Variants in CCDC88A observed in about 807,000 individuals in gnomAD.
CCDC88A encodes the protein girdin.
A neutral mutation model predicts 234.3 loss-of-function variants in CCDC88A; 54 were observed. The observed-to-expected ratio is 0.23, with a 90% CI of 0.19 to 0.29. The LOEUF (loss-of-function observed/expected upper bound fraction) is 0.29. CCDC88A is among the 10% of genes least tolerant of loss of function. CCDC88A has a pLI of 1.00. For missense variants in CCDC88A, 1,832 were observed against 2,123.4 expected (o/e 0.86, Z 2.70); for synonymous variants, 753 against 737.8 (o/e 1.02, Z -0.33).
intron 2 of CCDC88A, among the ~76,000 whole-genome samples, chr2:55,414,404 A>G (rs901446887): frequency 6.6e-6 from 1 of 152,250 alleles, no homozygotes; most frequent in Admixed American, 6.5e-5. Flanking sequence ...TAAAGAAAAA[A>G]GATTTCAATC....
At chr2:55,379,613 T>G (rs892868201) in intron 3 of CCDC88A, among the ~76,000 whole-genome samples, 1 of 152,166 alleles carries the variant, frequency 6.6e-6, no homozygotes, top group Non-Finnish European at 1.5e-5. Flanking sequence ...GTGTTTTTGG[T>G]GATAAATGCT....
At chr2:55,295,221 A>G (rs865900011) in intron 31 of CCDC88A, 3 of 1,326,414 alleles carry the variant, frequency 2.3e-6, no homozygotes, top group African/African-American at 3.0e-5. Context: ...ATGATCAGAA[A>G]ACTGTTCATT....
At chr2:55,369,207 G>T (rs1271861064) in intron 5 of CCDC88A, among the ~76,000 whole-genome samples, 2 of 151,860 alleles carry the variant, frequency 1.3e-5, no homozygotes, top group African/African-American at 2.4e-5. Flanking sequence ...GCTAATTTTT[G>T]TATTTTTAGT....
At chr2:55,292,297 T>G (rs922598921) in intron 31 of CCDC88A, 1 of 152,246 alleles carries the variant, frequency 6.6e-6, no homozygotes, top group Non-Finnish European at 1.5e-5. Flanking sequence ...AGCTTCATCA[T>G]TTATAAAATT....
rs528636686 is a variant in CCDC88A at position 55,323,024 on chromosome 2, C to T, written c.2998-332G>A. On this transcript the variant is annotated intron_variant, in intron 17 of 32. Transcript: ENST00000436346. ...ATCTATAACCAGGTTAGAAATTTCA[C>T]AGAGATGCCTACGTAAAGCACAAAG... 1.0e-4 allele frequency: 17 copies of T among 168,862 alleles called. No individual in the cohort carries two copies. In the South Asian group the frequency reaches 3.0e-3, roughly 30 times the overall value. The allele number at this position is 168,862 out of a possible 1,614,324, so 10.5% of individuals were successfully genotyped here.
chr2:55,302,965 G>T, intron 26 of CCDC88A, 104 bp downstream of exon 26: 1 of 793,700 alleles, frequency 1.3e-6, no homozygotes, highest in Non-Finnish European at 2.1e-6. Context: ...ACTGACCTCT[G>T]CAAAATAAGG....
intron 3 of CCDC88A, among the ~76,000 whole-genome samples, chr2:55,386,080 G>A (rs933631547): frequency 6.6e-5 from 10 of 151,516 alleles, no homozygotes; most frequent in Admixed American, 2.0e-4. Flanking sequence ...AAAATGAGCC[G>A]GGCGTGGTGG....
At chr2:55,302,959 A>T in intron 26 of CCDC88A, 110 bp downstream of exon 26, 1 of 746,988 alleles carries the variant, frequency 1.3e-6, no homozygotes, top group Non-Finnish European at 2.3e-6. Flanking sequence ...AGGAAGACTG[A>T]CCTCTGCAAA....
chr2:55,293,633 A>G (rs933059276), intron 31 of CCDC88A: 2 of 152,208 alleles, frequency 1.3e-5, no homozygotes, highest in Non-Finnish European at 2.9e-5. Flanking sequence ...AACAACAAGT[A>G]TAACATAATT....
intron 2 of CCDC88A, among the ~76,000 whole-genome samples, chr2:55,395,350 T>G (rs544751232): frequency 6.6e-6 from 1 of 152,228 alleles, no homozygotes; most frequent in Non-Finnish European, 1.5e-5. Flanking sequence ...TGAGTTACAC[T>G]GTTACATCAT....
In CCDC88A at chr2:55,328,630, T is replaced by C; in HGVS notation, c.2856-195A>G. 3 of 400,400 alleles carry C rather than the reference T, an allele frequency of 7.5e-6. No individual in the cohort carries two copies. Among genetic ancestry groups the C allele is most frequent in the Non-Finnish European group, 1.3e-5 (3 of 230,562 alleles). The allele number at this position is 400,400 out of a possible 1,614,324, so 24.8% of individuals were successfully genotyped here. A position where few individuals can be genotyped will look rare whatever the true frequency, so the allele number is the denominator to read the frequency against. Reference sequence around the variant, plus strand: ...TAATCCTGGTAATGAAGCAACAAAATCATTGAGTGAACAGAGCTCCGGATT... The same window carrying C: ...TAATCCTGGTAATGAAGCAACAAAACCATTGAGTGAACAGAGCTCCGGATT... On this transcript the variant is annotated intron_variant, in intron 16 of 32. Transcript: ENST00000436346. The surrounding 1 kb of genome is among the most constrained non-coding windows in gnomAD (Gnocchi z 4.3).
At chr2:55,364,690 G>A (rs890036487) in intron 5 of CCDC88A, among the ~76,000 whole-genome samples, 3 of 151,746 alleles carry the variant, frequency 2.0e-5, no homozygotes, top group Admixed American at 1.3e-4. Flanking sequence ...GAATAAAGGG[G>A]GTAATTCTTT....
chr2:55,355,951 TAAC>T (rs149195828), intron 7 of CCDC88A, 200 bp from the exon 8 acceptor site: 13,156 of 405,458 alleles, frequency 0.032, 1,244 homozygotes, highest in African/African-American at 0.22. Flanking sequence ...AAATGACACT[TAAC>T]AAGATAATAA....
intron 25 of CCDC88A, among the ~76,000 whole-genome samples, chr2:55,304,966 G>T (rs1414408987): frequency 6.6e-6 from 1 of 152,166 alleles, no homozygotes; most frequent in Non-Finnish European, 1.5e-5. Flanking sequence ...GAGTGCAATG[G>T]ACATATAGCT....
chr2:55,343,777 T>G lies in CCDC88A; in HGVS notation c.1204A>C (p.Arg402=), dbSNP rs373143993. The G allele has an allele frequency of 6.2e-7, 1 of 1,608,948 alleles. No individual in the cohort carries two copies. The highest frequency in any genetic ancestry group is 1.1e-5 in the South Asian group (1 of 89,884). ...TCCATTAATTCTTCAATCTTTTTTC[T>G]ATCCATATCTCGTTCCTTTTTTATT... is the stretch of plus-strand genomic sequence containing the variant. The part of the protein sequence containing the change: ...HDMEMERDMD[R]KKIEELMEEN... The change falls in exon 12 of 33, where the codon AGA becomes CGA. Residue 402 remains arginine (R), a synonymous_variant. Transcript: ENST00000436346.
chr2:55,342,790 A>T (rs1470215219), intron 12 of CCDC88A, among the ~76,000 whole-genome samples: 2 of 152,146 alleles, frequency 1.3e-5, no homozygotes, highest in African/African-American at 4.8e-5. Flanking sequence ...TGGATTATAA[A>T]ATCTCAAGAG....
chr2:55,406,846 A>G (rs934130903), intron 2 of CCDC88A, among the ~76,000 whole-genome samples: 1 of 152,198 alleles, frequency 6.6e-6, no homozygotes, highest in Non-Finnish European at 1.5e-5. Context: ...GAAAGGAGAC[A>G]TTAACAGTTA....
intron 2 of CCDC88A, among the ~76,000 whole-genome samples, chr2:55,395,926 T>C (rs1677460841): frequency 6.6e-6 from 1 of 152,194 alleles, no homozygotes; most frequent in Non-Finnish European, 1.5e-5. Flanking sequence ...CTAGAACTAG[T>C]TACTTATAAA....
At chr2:55,341,562 A>G (rs1377679609) in intron 12 of CCDC88A, among the ~76,000 whole-genome samples, 4 of 150,604 alleles carry the variant, frequency 2.7e-5, no homozygotes, top group Non-Finnish European at 5.9e-5. Flanking sequence ...CTCCTGCCTC[A>G]GCCTCCCAAG....
Sources: allele counts gnomAD v4.1 joint callset (sites outside exome capture counted in the v4.1 genomes callset), GRCh38; gene constraint gnomAD v4.1.1; non-coding constraint Gnocchi (gnomAD v3.1); transcripts MANE v1.5; gene names NCBI Gene and HGNC (gene_info 2026-07-23, HGNC 2026-07-21).